Variants in CEP89 observed in about 807,000 individuals in gnomAD.
CEP89 encodes the protein centrosomal protein of 89 kDa.
CEP89 carries 95 observed loss-of-function variants against 97.6 expected under a neutral mutation model. The observed-to-expected ratio is 0.97, with a 90% CI of 0.82 to 1.15. The LOEUF is 1.15. Ranked by LOEUF, CEP89 falls within the 50% of genes most tolerant of loss-of-function variation. CEP89 has a pLI of 0.00. For missense variants in CEP89, 869 were observed against 947.7 expected (o/e 0.92, Z 1.09); for synonymous variants, 354 against 349.1 (o/e 1.01, Z -0.16).
chr19:32,941,424 G>A lies in CEP89; in HGVS notation c.596-1539C>T, dbSNP rs1225879891. ...CGGCTGAGGCAGGAGAATTGCTTGA[G>A]TTTGGGAGGCAGAGGTTGCAGTGAG... On this transcript the variant is annotated intron_variant, in intron 5 of 18. Transcript: ENST00000305768. Among the ~76,000 whole-genome samples, 5 of 152,160 alleles carry A rather than the reference G, an allele frequency of 3.3e-5. No homozygotes were observed. The East Asian group carries it at 5.8e-4, about 18-fold the overall frequency.
intron 15 of CEP89, among the ~76,000 whole-genome samples, chr19:32,900,839 T>A (rs953613751): frequency 2.0e-5 from 3 of 151,712 alleles, no homozygotes; most frequent in Non-Finnish European, 4.4e-5. Context: ...TAGCCACTAT[T>A]AGAAAAAGAA....
chr19:32,888,894 C>G (rs1196628389), intron 16 of CEP89, among the ~76,000 whole-genome samples: 1 of 151,970 alleles, frequency 6.6e-6, no homozygotes, highest in Non-Finnish European at 1.5e-5. Flanking sequence ...ACTGCAACCT[C>G]CACCTCCTGG....
At chr19:32,881,720 G>A (rs1448114059) in intron 18 of CEP89, 124 bp downstream of exon 18, 3 of 889,610 alleles carry the variant, frequency 3.4e-6, no homozygotes, top group South Asian at 1.8e-5. Context: ...ATTCAGATCA[G>A]AGTAAAATGT....
chr19:32,944,353 G>A (rs1050983375), intron 5 of CEP89, among the ~76,000 whole-genome samples: 11 of 152,120 alleles, frequency 7.2e-5, no homozygotes, highest in Admixed American at 6.6e-5. Flanking sequence ...CTGGGGAGCA[G>A]GCTGTGAGTG....
At position 32,877,765 on chromosome 19, in the gene CEP89, C is replaced by CA. The variant is rs918789410; in HGVS notation, c.*1396dup. 1.5e-3 allele frequency: 223 copies of CA among 149,884 alleles called. 1 individual carries two copies. Among genetic ancestry groups the CA allele is most frequent in the African/African-American group, 4.9e-3 (200 of 40,790 alleles). The allele number at this position is 149,884 out of a possible 1,614,324, so 9.3% of individuals were successfully genotyped here. On this transcript the variant is annotated 3_prime_UTR_variant, in exon 19 of 19. Transcript: ENST00000305768. The stretch of plus-strand genomic sequence containing the variant: ...CAACATAGCAAGACCCCATCTCTAC[C>CA]AAAAAAAAAATTTTTTTTTTTTGAG...
At chr19:32,960,623 C>G (rs541406670) in intron 2 of CEP89, among the ~76,000 whole-genome samples, 3 of 152,120 alleles carry the variant, frequency 2.0e-5, no homozygotes, top group African/African-American at 7.2e-5. Flanking sequence ...GCCTGGCTAA[C>G]ACGGTGAAAC....
rs575875065 is a variant in CEP89 at position 32,940,376 on chromosome 19, C to A, written c.596-491G>T. ...CTCCTCCTCTCCTTCCAACACTCCT[C>A]CCCATCACGCTCTACACATCTTCCC... On this transcript the variant is annotated intron_variant, in intron 5 of 18. Transcript: ENST00000305768. Among the ~76,000 whole-genome samples, 4 of 151,244 alleles carry A rather than the reference C, an allele frequency of 2.6e-5. No individual in the cohort carries two copies. The South Asian group carries it at 8.4e-4, about 32-fold the overall frequency.
intron 9 of CEP89, among the ~76,000 whole-genome samples, 176 bp from the exon 10 acceptor site, chr19:32,927,160 CCA>C (rs1491258243): frequency 5.3e-5 from 8 of 151,386 alleles, no homozygotes; most frequent in African/African-American, 1.5e-4. Flanking sequence ...ATCCATCCAT[CCA>C]TCTATCCATC....
intron 5 of CEP89, among the ~76,000 whole-genome samples, chr19:32,945,014 C>A (rs1970766074): frequency 6.6e-6 from 1 of 152,206 alleles, no homozygotes; most frequent in Admixed American, 6.5e-5. Flanking sequence ...AGCCAGGGTT[C>A]CTCATGTGTT....
chr19:32,924,737 C>A (rs911429547), intron 11 of CEP89, among the ~76,000 whole-genome samples: 1 of 152,064 alleles, frequency 6.6e-6, no homozygotes, highest in Non-Finnish European at 1.5e-5. Context: ...TGCAAACCAG[C>A]TGCCTGTTTT....
chr19:32,943,282 C>T (rs1394982104), intron 5 of CEP89, among the ~76,000 whole-genome samples: 1 of 152,202 alleles, frequency 6.6e-6, no homozygotes, highest in Non-Finnish European at 1.5e-5. Flanking sequence ...TAGGCCTGAG[C>T]CACTGTGCCT....
In CEP89 at chr19:32,959,985, T is replaced by C. The variant is rs1971131475; in HGVS notation, c.220A>G (p.Arg74Gly). 6.2e-7 allele frequency: 1 copy of C among 1,614,086 alleles called. No homozygotes were observed. Among genetic ancestry groups the C allele is most frequent in the Admixed American group, 1.7e-5 (1 of 59,982 alleles). ...CTCACATCACTCTCAGACCGGGACC[T>C]CTGGCGAGGCTGAGGAATAGCAACC... ...RTVAIPQPRQ[R>G]SRSESDVSSV... Residue 74 changes from arginine to glycine, a missense_variant, in exon 3 of 19, where the codon AGG (arginine) becomes GGG (glycine). Transcript: ENST00000305768.
rs749794626 is a variant in CEP89, at chr19:32,899,840, AC to A, written c.1875+16del. ...ATTAACTCGCAGTTTACTTGATGTAACCTTCAGGAAACTTACCAAACACATA... is the reference window on the plus strand; with the variant it reads ...ATTAACTCGCAGTTTACTTGATGTAACTTCAGGAAACTTACCAAACACATA... On this transcript the variant is annotated intron_variant, in intron 16 of 18. Coordinates refer to ENST00000305768, the MANE Select transcript of CEP89 (RefSeq NM_032816.5). The A allele has an allele frequency of 3.1e-6, 5 of 1,603,718 alleles. No homozygotes were observed. Among genetic ancestry groups the A allele is most frequent in the South Asian group, 1.1e-5 (1 of 88,912 alleles).
At chr19:32,929,146 A>G (rs1036983118) in intron 9 of CEP89, among the ~76,000 whole-genome samples, 3 of 152,236 alleles carry the variant, frequency 2.0e-5, no homozygotes, top group Non-Finnish European at 4.4e-5. Context: ...TCACTAAGTC[A>G]TTATGGACAC....
At chr19:32,885,793 T>A (rs1487985080) in intron 17 of CEP89, among the ~76,000 whole-genome samples, 1 of 152,194 alleles carries the variant, frequency 6.6e-6, no homozygotes, top group Non-Finnish European at 1.5e-5. Context: ...ACTGTTTTGG[T>A]TTCTTCTTTG....
intron 9 of CEP89, 126 bp downstream of exon 9, chr19:32,931,303 T>C (rs1970467678): frequency 1.2e-6 from 1 of 818,130 alleles, no homozygotes; most frequent in Non-Finnish European, 1.8e-6. Flanking sequence ...TTAGAAACAT[T>C]GTGCCTTGGA....
intron 12 of CEP89, 126 bp downstream of exon 12, chr19:32,923,313 C>A (rs181605744): frequency 2.1e-5 from 11 of 519,530 alleles, no homozygotes; most frequent in African/African-American, 1.9e-4. Context: ...TTATTAATTT[C>A]TTAGAAACTC....
intron 13 of CEP89, among the ~76,000 whole-genome samples, chr19:32,917,098 A>C (rs57387920): frequency 1.4e-3 from 219 of 152,300 alleles, no homozygotes; most frequent in African/African-American, 5.0e-3. Context: ...TGAATCATAG[A>C]GGTCAAAAGG....
intron 18 of CEP89, among the ~76,000 whole-genome samples, chr19:32,881,161 C>T (rs888148720): frequency 6.6e-6 from 1 of 152,148 alleles, no homozygotes; most frequent in Non-Finnish European, 1.5e-5. Flanking sequence ...AAAAGTTGGG[C>T]ACAGTGGCTC....
Sources: allele counts gnomAD v4.1 joint callset (sites outside exome capture counted in the v4.1 genomes callset), GRCh38; gene constraint gnomAD v4.1.1; transcripts MANE v1.5; gene names NCBI Gene and HGNC (gene_info 2026-07-23, HGNC 2026-07-21).